The following SYNPO2 variants were observed in gnomAD, a reference collection of about 807,000 sequenced individuals.
SYNPO2 encodes synaptopodin-2.
Under a neutral mutation model 85.0 loss-of-function variants are expected in SYNPO2, and 56 were observed. The ratio of observed to expected loss-of-function variants is 0.66; its 90% CI spans 0.53 to 0.82. The LOEUF (loss-of-function observed/expected upper bound fraction) is 0.82, where lower values mean the gene tolerates loss of function less well. Among genes scored for constraint, SYNPO2 ranks in the 40% least tolerant of loss-of-function variants. The pLI, the probability that SYNPO2 is intolerant of heterozygous loss-of-function variation, is 0.00. For missense variants in SYNPO2, 1,575 were observed against 1,534.2 expected, an observed-to-expected ratio of 1.03 and a Z score of -0.44; for synonymous variants, 602 against 591.1, an observed-to-expected ratio of 1.02 and a Z score of -0.27.
rs889827108 is a variant in SYNPO2, at chr4:118,890,012, A to C, written c.105+871A>C. On this transcript the variant is annotated intron_variant, in intron 1 of 4. Coordinates refer to ENST00000307142, the MANE Select transcript of SYNPO2 (RefSeq NM_133477.3). The stretch of plus-strand genomic sequence containing the variant: ...TATAGTATTGTATTGAAGAACATGC[A>C]AGAGCATGGGATTAATTTCCTATTT... 3.3e-5 allele frequency among the ~76,000 whole-genome samples: 5 copies of C among 152,360 alleles called. No individual in the cohort carries two copies. In the East Asian group the frequency reaches 9.6e-4, roughly 29 times the overall value.
intron 4 of SYNPO2, chr4:119,032,348 A>G: frequency 2.4e-6 from 3 of 1,256,628 alleles, no homozygotes; most frequent in East Asian, 7.8e-5. Context: ...TGTAGCCACA[A>G]GAAAGACAGT....
intron 1 of SYNPO2, among the ~76,000 whole-genome samples, chr4:118,900,703 C>CTCTCTCTCTCTCTCTATA (rs1277981772): frequency 6.8e-5 from 3 of 43,894 alleles, no homozygotes; most frequent in African/African-American, 1.6e-4. Flanking sequence ...CTCTCTCTCT[C>CTCTCTCTCTCTCTCTATA]TATATATATA....
At chr4:118,854,522 T>C (rs761560420) in intron 1 of SYNPO2, among the ~76,000 whole-genome samples, 4 of 152,216 alleles carry the variant, frequency 2.6e-5, no homozygotes, top group Non-Finnish European at 5.9e-5. Context: ...AATTTCATTC[T>C]GTCAAGAAAC....
chr4:118,924,275 C>A (rs912895918), intron 1 of SYNPO2, among the ~76,000 whole-genome samples: 1 of 152,078 alleles, frequency 6.6e-6, no homozygotes, highest in Non-Finnish European at 1.5e-5. Context: ...TTTTCCTGAA[C>A]GTGGGAATCT....
chr4:118,870,845 A>G (rs1431056462), intron 1 of SYNPO2, among the ~76,000 whole-genome samples: 1 of 152,196 alleles, frequency 6.6e-6, no homozygotes, highest in Non-Finnish European at 1.5e-5. Flanking sequence ...GCACATATTT[A>G]CTCATGTAAC....
chr4:118,951,024 T>A (rs1734676687), intron 1 of SYNPO2, among the ~76,000 whole-genome samples: 1 of 152,116 alleles, frequency 6.6e-6, no homozygotes, highest in Admixed American at 6.5e-5. Flanking sequence ...GTGAAACTTG[T>A]TGGGAGGAGG....
intron 1 of SYNPO2, among the ~76,000 whole-genome samples, chr4:118,882,245 A>T (rs543495860): frequency 6.6e-6 from 1 of 152,230 alleles, no homozygotes; most frequent in East Asian, 1.9e-4. Context: ...TTTGGGGAGT[A>T]CAATTTAGCG....
At chr4:118,880,893 A>G (rs890548081) in intron 1 of SYNPO2, among the ~76,000 whole-genome samples, 1 of 152,120 alleles carries the variant, frequency 6.6e-6, no homozygotes, top group Non-Finnish European at 1.5e-5. Context: ...AACATGCAAT[A>G]TTTATTAGTA....
At chr4:118,960,829 T>C (rs1735053690) in intron 1 of SYNPO2, among the ~76,000 whole-genome samples, 1 of 152,134 alleles carries the variant, frequency 6.6e-6, no homozygotes, top group Admixed American at 6.5e-5. Context: ...ATTCTTTCCT[T>C]CTTCTTACCA....
Position 119,031,742 on chromosome 4 carries a change from C to T in SYNPO2, c.2967C>T (p.Pro989=), listed in dbSNP as rs145945905. ...CTCCAGATGCAAAGGATGGCCTCCC[C>T]CAGAAGTCATCAGTCAAGGTCAATT... ...FQPPDAKDGL[P]QKSSVKVNSA... is the part of the protein sequence containing the mutation. Residue 989 remains proline (P), a synonymous_variant, in exon 4 of 5, where the codon CCC becomes CCT. Transcript: ENST00000307142. 1.7e-5 allele frequency: 28 copies of T among 1,614,100 alleles called. No homozygotes were observed. The African/African-American group carries it at 2.4e-4, about 14-fold the overall frequency.
At chr4:118,940,206 G>A (rs1734259549) in intron 1 of SYNPO2, among the ~76,000 whole-genome samples, 1 of 151,876 alleles carries the variant, frequency 6.6e-6, no homozygotes, top group South Asian at 2.1e-4. Context: ...GGCTGGTGTC[G>A]ATCTCTCGAC....
chr4:119,004,693 G>T (rs1329126715), intron 1 of SYNPO2, among the ~76,000 whole-genome samples: 3 of 146,422 alleles, frequency 2.0e-5, no homozygotes, highest in Admixed American at 7.0e-5. Flanking sequence ...ACATACATGT[G>T]CATGTGTCTT....
At chr4:119,048,829 T>G (rs1738951789) in intron 4 of SYNPO2, among the ~76,000 whole-genome samples, 1 of 152,136 alleles carries the variant, frequency 6.6e-6, no homozygotes, top group South Asian at 2.1e-4. Flanking sequence ...TTGGCAGATT[T>G]TGTGGGGTCT....
Position 119,038,444 on chromosome 4 carries a change from A to T in SYNPO2, c.3252+6417A>T. On this transcript the variant is annotated intron_variant, in intron 4 of 4. Coordinates refer to ENST00000307142, the MANE Select transcript of SYNPO2 (RefSeq NM_133477.3). ...CTTTCATTTTCTTATTTCAGAATGAATAGTGTTGTTCGTTGGCTGGGAATG... is the reference window on the plus strand; with the variant it reads ...CTTTCATTTTCTTATTTCAGAATGATTAGTGTTGTTCGTTGGCTGGGAATG... 9 of 985,426 alleles carry T rather than the reference A, an allele frequency of 9.1e-6. No individual in the cohort carries two copies. The South Asian group carries it at 4.2e-4, about 46-fold the overall frequency. The allele number at this position is 985,426 out of a possible 1,614,324, so 61.0% of individuals were successfully genotyped here. A position where few individuals can be genotyped will look rare whatever the true frequency, so the allele number is the denominator to read the frequency against.
At chr4:119,015,228 G>C (rs1442280273) in intron 1 of SYNPO2, among the ~76,000 whole-genome samples, 1 of 152,188 alleles carries the variant, frequency 6.6e-6, no homozygotes, top group African/African-American at 2.4e-5. Context: ...ATGAGTTAGT[G>C]ACAGAATTAA....
rs1561039118 is a variant in SYNPO2 at position 119,058,790 on chromosome 4, T to TA, written c.*863dup. 6.6e-6 allele frequency: 1 copy of TA among 152,086 alleles called. No homozygotes were observed. The highest frequency in any genetic ancestry group is 1.5e-5 in the Non-Finnish European group (1 of 68,036). The allele number at this position is 152,086 out of a possible 1,614,324, so 9.4% of individuals were successfully genotyped here. On this transcript the variant is annotated 3_prime_UTR_variant, in exon 5 of 5. Transcript: ENST00000307142. The stretch of plus-strand genomic sequence containing the variant: ...ACCTGGCCTTTCTGCAACATTTTTT[T>TA]AAAAAAATCTAATAAATCTTAGATT...
intron 1 of SYNPO2, among the ~76,000 whole-genome samples, chr4:118,984,220 C>T (rs1424386870): frequency 6.6e-6 from 1 of 151,948 alleles, no homozygotes; most frequent in Non-Finnish European, 1.5e-5. Flanking sequence ...ACATTAGTTG[C>T]TTCCAAAATA....
chr4:118,961,933 T>C (rs940355214), intron 1 of SYNPO2, among the ~76,000 whole-genome samples: 11 of 152,222 alleles, frequency 7.2e-5, no homozygotes, highest in African/African-American at 2.7e-4. Flanking sequence ...CATTTAAATC[T>C]TGTCTCTACT....
upstream of SYNPO2, among the ~76,000 whole-genome samples, chr4:118,887,427 C>T (rs867598691): frequency 3.3e-5 from 5 of 152,112 alleles, no homozygotes; most frequent in African/African-American, 1.2e-4. Flanking sequence ...TCTCAGTGAG[C>T]CTGCTATATT....
Sources: gnomAD v4.1 joint callset for allele counts (sites outside exome capture counted in the v4.1 genomes callset) on GRCh38, gnomAD v4.1.1 for gene constraint, MANE v1.5 for transcripts, NCBI Gene and HGNC (gene_info 2026-07-23, HGNC 2026-07-21) for gene names.